Variants in PCNX1 observed in about 807,000 individuals in gnomAD.
PCNX1 encodes pecanex 1.
In PCNX1, 78 loss-of-function variants were observed where a neutral mutation model predicts 242.2. The ratio of observed to expected loss-of-function variants is 0.32; its 90% confidence interval spans 0.27 to 0.39. The LOEUF (loss-of-function observed/expected upper bound fraction) is 0.39. PCNX1 is among the 10% of genes least tolerant of loss of function. The probability of loss-of-function intolerance (pLI) is 1.00; values close to 1 mark genes in which losing one functional copy is unlikely to be tolerated. For synonymous variants in PCNX1, 1,024 were observed against 1,032.9 expected, an observed-to-expected ratio of 0.99 and a Z score of 0.17; for missense variants, 2,581 against 2,856.5, an observed-to-expected ratio of 0.90 and a Z score of 2.20.
At chr14:70,998,851 A>G (rs1318253018) in intron 8 of PCNX1, among the ~76,000 whole-genome samples, 1 of 151,816 alleles carries the variant, frequency 6.6e-6, no homozygotes, top group Non-Finnish European at 1.5e-5. Context: ...TTGGGTTCAA[A>G]TGACTTAAGT....
intron 30 of PCNX1, among the ~76,000 whole-genome samples, chr14:71,095,003 C>T (rs1595493073): frequency 6.6e-6 from 1 of 152,294 alleles, no homozygotes; most frequent in East Asian, 1.9e-4. Context: ...TACATGTACA[C>T]AGTACTTTCA....
chr14:71,004,881 A>G (rs1023599542), intron 8 of PCNX1, among the ~76,000 whole-genome samples: 8 of 152,224 alleles, frequency 5.3e-5, no homozygotes, highest in African/African-American at 1.4e-4. Flanking sequence ...TAGAATGTAT[A>G]TGTTCCCCCA....
intron 1 of PCNX1, among the ~76,000 whole-genome samples, chr14:70,943,949 C>G (rs1027326676): frequency 1.3e-5 from 2 of 152,252 alleles, no homozygotes; most frequent in African/African-American, 2.4e-5. Flanking sequence ...GCACAGAAGC[C>G]AAGAATTGAG....
rs1595529295 is a variant in PCNX1, at chr14:71,110,656, T to G, written c.*721T>G. 1 of 152,468 alleles carries G rather than the reference T, an allele frequency of 6.6e-6. No individual in the cohort carries two copies. The highest frequency in any genetic ancestry group is 1.9e-4 in the East Asian group (1 of 5,192). The allele number at this position is 152,468 out of a possible 1,614,324, so 9.4% of individuals were successfully genotyped here. A position where few individuals can be genotyped will look rare whatever the true frequency, so the allele number is the denominator to read the frequency against. On this transcript the variant is annotated 3_prime_UTR_variant, in exon 36 of 36. Coordinates refer to ENST00000304743, the MANE Select transcript of PCNX1 (RefSeq NM_014982.3). ...GCTGCTCATTTTTCTGTTAGTAGTG[T>G]GTACTTCATGCCAGGACATTGGGTA... is the stretch of plus-strand genomic sequence containing the variant.
At chr14:71,063,185 T>C (rs1041778971) in intron 26 of PCNX1, among the ~76,000 whole-genome samples, 2 of 152,220 alleles carry the variant, frequency 1.3e-5, no homozygotes, top group South Asian at 2.1e-4. Flanking sequence ...GGCCTACTTA[T>C]TCTGTTAGGA....
intron 26 of PCNX1, among the ~76,000 whole-genome samples, chr14:71,060,196 C>G (rs1232860074): frequency 6.6e-6 from 1 of 152,116 alleles, no homozygotes; most frequent in Non-Finnish European, 1.5e-5. Context: ...CCATTCTGTC[C>G]TATCACAAAG....
chr14:70,910,257 A>T (rs956765163), intron 1 of PCNX1, among the ~76,000 whole-genome samples: 1 of 58,438 alleles, frequency 1.7e-5, no homozygotes, highest in African/African-American at 6.8e-5. Flanking sequence ...CATCACGGCC[A>T]TCAGGCCATC....
chr14:71,088,646 G>A (rs2062053588), intron 29 of PCNX1, among the ~76,000 whole-genome samples: 3 of 152,182 alleles, frequency 2.0e-5, no homozygotes, highest in Admixed American at 2.0e-4. Context: ...GGTAGCCACT[G>A]ATAATGAGAA....
intron 1 of PCNX1, among the ~76,000 whole-genome samples, chr14:70,922,769 T>G (rs2056428828): frequency 6.6e-6 from 1 of 151,886 alleles, no homozygotes; most frequent in Non-Finnish European, 1.5e-5. Context: ...TTTTTTTTTT[T>G]TTTTTTGCTA....
chr14:70,956,984 T>A (rs2058020199), intron 2 of PCNX1, among the ~76,000 whole-genome samples: 1 of 115,054 alleles, frequency 8.7e-6, no homozygotes. Context: ...TAAATATTTG[T>A]TTTTATTATA....
chr14:71,019,797 A>G (rs2060051401), intron 12 of PCNX1, among the ~76,000 whole-genome samples: 1 of 152,036 alleles, frequency 6.6e-6, no homozygotes, highest in Middle Eastern at 3.4e-3. Context: ...TCTGGGATAC[A>G]TGTGCAGAAT....
Position 70,978,446 on chromosome 14 carries a change from C to G in PCNX1, c.2109C>G (p.Asp703Glu). The change falls in exon 6 of 36, where the codon GAC becomes GAG. Residue 703 changes from aspartate to glutamate, a missense_variant. This residue lies in a region of PCNX1 where 1,204 missense variants were observed against 1,216.7 expected (regional missense o/e 0.99). Transcript: ENST00000304743. Reference protein sequence around the residue: ...LDSGTVACLNDSNRLMAPESI... With the variant: ...LDSGTVACLNESNRLMAPESI... ...GTGGCACAGTAGCATGTTTGAATGA[C>G]TCAAACAGGTTAATGGCACCTGAAA... The G allele has an allele frequency of 6.2e-7, 1 of 1,613,828 alleles. No individual in the cohort carries two copies. The highest frequency in any genetic ancestry group is 1.1e-5 in the South Asian group (1 of 91,062).
chr14:71,015,246 A>C (rs1303723313), intron 11 of PCNX1, among the ~76,000 whole-genome samples: 1 of 152,218 alleles, frequency 6.6e-6, no homozygotes, highest in Non-Finnish European at 1.5e-5. Flanking sequence ...TGGAAATATA[A>C]GTCTACCCAA....
rs1326086478 is a variant in PCNX1 at position 70,949,390 on chromosome 14, T to C, written c.362+2267T>C. 3.6e-5 allele frequency among the ~76,000 whole-genome samples: 3 copies of C among 83,538 alleles called. No individual in the cohort carries two copies. The East Asian group carries it at 7.7e-4, about 22-fold the overall frequency. The allele number at this position is 83,538 out of a possible 152,430, so 54.8% of individuals were successfully genotyped here. A position where few individuals can be genotyped will look rare whatever the true frequency, so the allele number is the denominator to read the frequency against. On this transcript the variant is annotated intron_variant, in intron 2 of 35. Coordinates refer to ENST00000304743, the MANE Select transcript of PCNX1 (RefSeq NM_014982.3). ...ATATAGACACATACGTGTATATACA[T>C]ATGTGTGTGTGTGTACATATATATG...
chr14:71,109,376 G>T, intron 34 of PCNX1, 76 bp from the exon 35 acceptor site: 1 of 1,299,288 alleles, frequency 7.7e-7, no homozygotes, highest in Non-Finnish European at 1.1e-6. Context: ...TCTGTGAAAA[G>T]CATTTTGTTT....
intron 16 of PCNX1, among the ~76,000 whole-genome samples, chr14:71,029,832 T>C (rs959871627): frequency 1.3e-5 from 2 of 152,224 alleles, no homozygotes; most frequent in African/African-American, 4.8e-5. Context: ...CCTCTAAGGC[T>C]AGAAAGGTAA....
At chr14:70,919,618 A>T (rs188685247) in intron 1 of PCNX1, among the ~76,000 whole-genome samples, 1 of 147,954 alleles carries the variant, frequency 6.8e-6, no homozygotes, top group Non-Finnish European at 1.5e-5. Flanking sequence ...TAGCATATAG[A>T]TGAACTTTAC....
At chr14:70,949,867 A>G (rs993544980) in intron 2 of PCNX1, among the ~76,000 whole-genome samples, 4 of 152,222 alleles carry the variant, frequency 2.6e-5, no homozygotes, top group African/African-American at 4.8e-5. Flanking sequence ...CACTTGACAT[A>G]CCTCAAAACA....
At chr14:71,061,997 C>G (rs1411179834) in intron 26 of PCNX1, among the ~76,000 whole-genome samples, 1 of 152,040 alleles carries the variant, frequency 6.6e-6, no homozygotes, top group African/African-American at 2.4e-5. Context: ...TTTTAAGGAG[C>G]TCAACAAGCT....
Sources: gnomAD v4.1 joint callset for allele counts (sites outside exome capture counted in the v4.1 genomes callset) on GRCh38, gnomAD v4.1.1 for gene constraint, gnomAD v4.1.1 regional missense constraint, MANE v1.5 for transcripts, NCBI Gene and HGNC (gene_info 2026-07-23, HGNC 2026-07-21) for gene names.